SLC22A3: variants seen among roughly 807,000 people sequenced by gnomAD.
The protein encoded by SLC22A3 is EMT organic cation transporter 3.
Under a neutral mutation model 59.1 loss-of-function variants are expected in SLC22A3, and 51 were observed. The observed-to-expected ratio is 0.86, with a 90% CI of 0.69 to 1.09. The LOEUF (loss-of-function observed/expected upper bound fraction) is 1.09. Among genes scored for constraint, SLC22A3 ranks in the 50% least tolerant of loss-of-function variants. The pLI, the probability that SLC22A3 is intolerant of heterozygous loss-of-function variation, is 0.00. For synonymous variants in SLC22A3, 325 were observed against 292.0 expected, an observed-to-expected ratio of 1.11 and a Z score of -1.15; for missense variants, 711 against 726.3, an observed-to-expected ratio of 0.98 and a Z score of 0.24.
intron 1 of SLC22A3, among the ~76,000 whole-genome samples, chr6:160,356,756 G>A (rs1339332607): frequency 6.6e-6 from 1 of 152,186 alleles, no homozygotes; most frequent in African/African-American, 2.4e-5. Flanking sequence ...TGAGGAAAAA[G>A]CAAAGTTTTA....
chr6:160,430,898 G>A (rs1338041811), intron 5 of SLC22A3, among the ~76,000 whole-genome samples: 1 of 152,172 alleles, frequency 6.6e-6, no homozygotes, highest in Non-Finnish European at 1.5e-5. Flanking sequence ...AAACTGTCAT[G>A]ACAGAAAGCA....
chr6:160,425,472 AG>A (rs1226169615), intron 5 of SLC22A3, among the ~76,000 whole-genome samples: 1 of 152,202 alleles, frequency 6.6e-6, no homozygotes, highest in African/African-American at 2.4e-5. Context: ...GATGCATTCA[AG>A]ATGCCTTCTA....
chr6:160,439,790 CT>C (rs764650363), intron 7 of SLC22A3, among the ~76,000 whole-genome samples: 5 of 152,314 alleles, frequency 3.3e-5, no homozygotes, highest in South Asian at 4.1e-4. Flanking sequence ...TCAGTCATGA[CT>C]GACTGGCAAG....
chr6:160,437,901 G>A (rs1788406446), intron 7 of SLC22A3, among the ~76,000 whole-genome samples: 1 of 152,248 alleles, frequency 6.6e-6, no homozygotes, highest in South Asian at 2.1e-4. Context: ...GTGCATGCAG[G>A]AACTGAGGGT....
At chr6:160,447,367 A>G (rs757090743) in intron 9 of SLC22A3, among the ~76,000 whole-genome samples, 4 of 152,104 alleles carry the variant, frequency 2.6e-5, no homozygotes, top group Non-Finnish European at 5.9e-5. Context: ...AGTGTCAGTG[A>G]GCGGGCGCAG....
chr6:160,404,200 CA>C (rs58189795), intron 2 of SLC22A3, among the ~76,000 whole-genome samples: 125,007 of 149,662 alleles, frequency 0.84, 52,522 homozygotes, highest in African/African-American at 0.95. Flanking sequence ...CAACAACAAC[CA>C]AAAAAAAAAA....
At chr6:160,372,547 C>T (rs1240795285) in intron 1 of SLC22A3, among the ~76,000 whole-genome samples, 1 of 152,058 alleles carries the variant, frequency 6.6e-6, no homozygotes, top group East Asian at 1.9e-4. Context: ...GGCCTGTTGT[C>T]CTGGGTTGGG....
chr6:160,451,074 GA>G lies in SLC22A3; in HGVS notation c.*21del. The G allele has an allele frequency of 6.3e-7, 1 of 1,582,436 alleles. No homozygotes were observed. Among genetic ancestry groups the G allele is most frequent in the Non-Finnish European group, 8.6e-7 (1 of 1,161,378 alleles). ...ACCTTTGAGGCCCCCGACAAAGACAGAAAGAAGGAGCTATCCAGGAGCTGAT... is the reference window on the plus strand; with the variant it reads ...ACCTTTGAGGCCCCCGACAAAGACAGAAGAAGGAGCTATCCAGGAGCTGAT... On this transcript the variant is annotated 3_prime_UTR_variant, in exon 11 of 11. Transcript: ENST00000275300.
At chr6:160,444,327 TGG>T (rs1418981643) in intron 9 of SLC22A3, among the ~76,000 whole-genome samples, 1 of 152,200 alleles carries the variant, frequency 6.6e-6, no homozygotes, top group African/African-American at 2.4e-5. Flanking sequence ...CACTCCAGCC[TGG>T]GCAACAGGGT....
At chr6:160,376,048 T>G (rs1397263287) in intron 1 of SLC22A3, among the ~76,000 whole-genome samples, 1 of 152,138 alleles carries the variant, frequency 6.6e-6, no homozygotes, top group Non-Finnish European at 1.5e-5. Context: ...AGAAAGGTAA[T>G]GTGAAGTCTC....
At chr6:160,390,362 C>T (rs1442760168) in intron 1 of SLC22A3, among the ~76,000 whole-genome samples, 1 of 152,180 alleles carries the variant, frequency 6.6e-6, no homozygotes, top group Non-Finnish European at 1.5e-5. Flanking sequence ...AGGCACTGGC[C>T]TCATTCCCCA....
chr6:160,436,368 G>T (rs867183653), intron 5 of SLC22A3, among the ~76,000 whole-genome samples: 3 of 152,120 alleles, frequency 2.0e-5, no homozygotes, highest in African/African-American at 7.2e-5. Context: ...AATACCTTTG[G>T]TGCTTACTCT....
In SLC22A3 at chr6:160,437,143, GC is replaced by G; in HGVS notation, c.1222del (p.Leu408SerfsTer8). On this transcript the variant is annotated frameshift_variant, in exon 7 of 11. Transcript: ENST00000275300. LOFTEE classifies it high-confidence loss of function. ...CTAACCATTGAGCGCCTTGGACGACGCCTCCCCTTTGCGGCAAGCAATATAG... is the reference window on the plus strand; with the variant it reads ...CTAACCATTGAGCGCCTTGGACGACGCTCCCCTTTGCGGCAAGCAATATAG... ...ILLTIERLGR[R>X]LPFAASNIVA... The G allele has an allele frequency of 6.2e-7, 1 of 1,614,142 alleles. No homozygotes were observed.
chr6:160,409,574 C>G (rs1787165261), intron 4 of SLC22A3, among the ~76,000 whole-genome samples: 1 of 151,310 alleles, frequency 6.6e-6, no homozygotes, highest in African/African-American at 2.4e-5. Flanking sequence ...ATTTCTAGTT[C>G]TAGATCCCTG....
chr6:160,449,539 A>G (rs1788872275), intron 10 of SLC22A3, among the ~76,000 whole-genome samples: 1 of 152,240 alleles, frequency 6.6e-6, no homozygotes, highest in African/African-American at 2.4e-5. Context: ...CTAAATTACT[A>G]AAACTTGCTA....
At chr6:160,358,325 T>C (rs1176837977) in intron 1 of SLC22A3, among the ~76,000 whole-genome samples, 1 of 152,200 alleles carries the variant, frequency 6.6e-6, no homozygotes, top group Admixed American at 6.5e-5. Context: ...TGTCCTGTTG[T>C]CTGAGATATG....
intron 2 of SLC22A3, among the ~76,000 whole-genome samples, chr6:160,406,201 A>G (rs759382655): frequency 2.0e-5 from 3 of 152,140 alleles, no homozygotes; most frequent in Non-Finnish European, 4.4e-5. Flanking sequence ...ACTAAAAAAA[A>G]TTTTAGATAA....
Position 160,450,982 on chromosome 6 carries a change from C to T in SLC22A3, c.1611-14C>T. On this transcript the variant is annotated splice_polypyrimidine_tract_variant and intron_variant, in intron 10 of 10. Transcript: ENST00000275300. ...CATAATCTTTCCTAAAGACTTTCTCCTTTGTTTTTTCAGTCCACATTCCTG... is the reference window on the plus strand; with the variant it reads ...CATAATCTTTCCTAAAGACTTTCTCTTTTGTTTTTTCAGTCCACATTCCTG... 1.3e-6 allele frequency: 2 copies of T among 1,581,094 alleles called. No homozygotes were observed. The highest frequency in any genetic ancestry group is 1.7e-6 in the Non-Finnish European group (2 of 1,160,274).
intron 1 of SLC22A3, among the ~76,000 whole-genome samples, chr6:160,385,310 G>A (rs893415569): frequency 2.5e-4 from 38 of 152,278 alleles, no homozygotes; most frequent in African/African-American, 7.2e-4. Flanking sequence ...AGAGTTGTTC[G>A]GTGTAGCAGG....
Sources: allele counts gnomAD v4.1 joint callset (sites outside exome capture counted in the v4.1 genomes callset), GRCh38; gene constraint gnomAD v4.1.1; transcripts MANE v1.5; gene names NCBI Gene and HGNC (gene_info 2026-07-23, HGNC 2026-07-21).